Variants in USP34 observed in about 807,000 individuals in gnomAD.
USP34 encodes ubiquitin specific peptidase 34.
In USP34, 70 loss-of-function variants were observed where a neutral mutation model predicts 460.3. That is an observed-to-expected ratio of 0.15 (90% CI 0.13 to 0.19). The LOEUF (loss-of-function observed/expected upper bound fraction) is 0.19. Among genes scored for constraint, USP34 ranks in the 10% least tolerant of loss-of-function variants. USP34 has a pLI of 1.00. For missense variants in USP34, 3,985 were observed against 4,236.2 expected (o/e 0.94, Z 1.65); for synonymous variants, 1,647 against 1,405.3 (o/e 1.17, Z -3.85).
chr2:61,261,349 C>G (rs1276073176), intron 43 of USP34, among the ~76,000 whole-genome samples: 2 of 152,190 alleles, frequency 1.3e-5, no homozygotes, highest in Non-Finnish European at 2.9e-5. Context: ...CTGACACATA[C>G]AACAGCATGG....
chr2:61,227,363 A>G, intron 61 of USP34, 145 bp from the exon 62 acceptor site: 5 of 840,374 alleles, frequency 5.9e-6, no homozygotes, highest in Non-Finnish European at 5.5e-6. Flanking sequence ...AACCTAATGT[A>G]AAACACTCTA....
intron 49 of USP34, 101 bp from the exon 50 acceptor site, chr2:61,246,578 T>C: frequency 1.3e-6 from 1 of 785,482 alleles, no homozygotes; most frequent in Non-Finnish European, 1.8e-6. Context: ...ATATTTTAAG[T>C]CATTTTAATA....
rs374553816 is a variant in USP34, at chr2:61,348,498, T to A, written c.1675-18A>T. 1.3e-6 allele frequency: 2 copies of A among 1,593,570 alleles called. No homozygotes were observed. The highest frequency in any genetic ancestry group is 1.7e-6 in the Non-Finnish European group (2 of 1,172,416). On this transcript the variant is annotated intron_variant, in intron 14 of 79. Coordinates refer to ENST00000398571, the MANE Select transcript of USP34 (RefSeq NM_014709.4). ...ATGGATTCCTGTATTTTGAAACAAA[T>A]AGATTTAAATAAATATTTAAACCAG...
rs1008997030 is a variant in USP34 at position 61,343,665 on chromosome 2, T to TG, written c.2500+149dup. On this transcript the variant is annotated intron_variant, in intron 16 of 79. Transcript: ENST00000398571. ...ACTATTTATAATAATTTAATTCCCTTGGGGGAAAAAAAAAAACTACCATAT... is the reference window on the plus strand; with the variant it reads ...ACTATTTATAATAATTTAATTCCCTTGGGGGGAAAAAAAAAAACTACCATAT... The TG allele has an allele frequency of 6.4e-5, 47 of 738,798 alleles. No homozygotes were observed. The East Asian group carries it at 6.6e-4, about 10-fold the overall frequency. 45.8% of individuals were successfully genotyped at this position (738,798 alleles called of 1,614,324 possible). A position where few individuals can be genotyped will look rare whatever the true frequency, so the allele number is the denominator to read the frequency against.
intron 23 of USP34, among the ~76,000 whole-genome samples, chr2:61,316,471 G>T (rs1056493569): frequency 6.6e-6 from 1 of 151,980 alleles, no homozygotes. Context: ...TGTTGTCCCA[G>T]CTACTCAAGA....
chr2:61,204,696 A>G, intron 72 of USP34, 95 bp from the exon 73 acceptor site: 1 of 972,678 alleles, frequency 1.0e-6, no homozygotes, highest in Non-Finnish European at 1.6e-6. Context: ...CCTCACTACA[A>G]CCAGTTTAAT....
chr2:61,436,948 G>A (rs370843434), intron 1 of USP34, among the ~76,000 whole-genome samples: 27 of 152,296 alleles, frequency 1.8e-4, no homozygotes, highest in South Asian at 4.1e-4. Context: ...TGACCACTGG[G>A]TCAATGAAGG....
chr2:61,346,831 CA>C (rs776311612), intron 15 of USP34, among the ~76,000 whole-genome samples: 1,650 of 29,806 alleles, frequency 0.055, 11 homozygotes, highest in African/African-American at 0.19. Flanking sequence ...GATTCCAACT[CA>C]AAAAAAAAAA....
rs369589267 is a variant in USP34 at position 61,284,945 on chromosome 2, G to T, written c.4762C>A (p.Leu1588Ile). 6.2e-7 allele frequency: 1 copy of T among 1,609,372 alleles called. No homozygotes were observed. The highest frequency in any genetic ancestry group is 1.3e-5 in the African/African-American group (1 of 74,844). Residue 1588 changes from leucine to isoleucine, a missense_variant, in exon 35 of 80, where the codon CTT becomes ATT. By Grantham distance (5) the Leu-to-Ile change is conservative. Coordinates refer to ENST00000398571, the MANE Select transcript of USP34 (RefSeq NM_014709.4). ...TGAATCAAACTGGTTCCTTGGACAA[G>T]AACAAGAAATACCTTTAAAACAAAA... ...IPRLTEVFLV[L>I]VQGTSLIQRL...
intron 59 of USP34, 91 bp downstream of exon 59, chr2:61,229,457 T>TAAAAAAAAAAAAAAAA: frequency 1.0e-4 from 40 of 382,120 alleles, no homozygotes; most frequent in Admixed American, 1.6e-4. Flanking sequence ...CCCTATCTCT[T>TAAAAAAAAAAAAAAAA]AAAAAAAAAA....
intron 42 of USP34, 22 bp downstream of exon 42, chr2:61,265,962 A>C (rs1415981518): frequency 6.5e-7 from 1 of 1,532,380 alleles, no homozygotes; most frequent in African/African-American, 1.4e-5. Flanking sequence ...TATAAAGATT[A>C]AAGGAAAAGA....
intron 1 of USP34, among the ~76,000 whole-genome samples, chr2:61,449,716 A>G (rs2104057348): frequency 6.6e-6 from 1 of 152,270 alleles, no homozygotes; most frequent in South Asian, 2.1e-4. Context: ...CATGCAACAG[A>G]AAGAATAGAT....
chr2:61,382,978 AACAG>A lies in USP34; in HGVS notation c.821+287_821+290del, dbSNP rs760297439. Among the ~76,000 whole-genome samples the A allele has an allele frequency of 3.3e-5, 5 of 152,334 alleles. No homozygotes were observed. In the South Asian group the frequency reaches 8.3e-4, roughly 25 times the overall value. On this transcript the variant is annotated intron_variant, in intron 6 of 79. Coordinates refer to ENST00000398571, the MANE Select transcript of USP34 (RefSeq NM_014709.4). ...GCTATATCCTCAGTGCCTAGAACGT[AACAG>A]ACACTTACTGTGTATTTGCTGACTA...
chr2:61,329,728 G>C (rs1179715616), intron 20 of USP34, among the ~76,000 whole-genome samples: 1 of 152,004 alleles, frequency 6.6e-6, no homozygotes, highest in Non-Finnish European at 1.5e-5. Flanking sequence ...GTTTTAACCA[G>C]GTAACTACAA....
At chr2:61,224,556 G>C (rs1687676114) in intron 62 of USP34, among the ~76,000 whole-genome samples, 1 of 152,126 alleles carries the variant, frequency 6.6e-6, no homozygotes, top group Admixed American at 6.6e-5. Context: ...TCATTAATTA[G>C]CTTGAATACA....
intron 21 of USP34, 148 bp downstream of exon 21, chr2:61,325,227 C>T (rs934724415): frequency 7.5e-6 from 4 of 532,978 alleles, no homozygotes; most frequent in Non-Finnish European, 1.3e-5. Flanking sequence ...TGTTACAATA[C>T]CCTGTAACAA....
intron 32 of USP34, among the ~76,000 whole-genome samples, chr2:61,294,231 A>G (rs904567466): frequency 1.6e-4 from 25 of 151,762 alleles, no homozygotes; most frequent in East Asian, 9.8e-4. Context: ...CTGTAGTACC[A>G]GCTACTCCAG....
At chr2:61,205,091 C>T (rs182506330) in intron 72 of USP34, among the ~76,000 whole-genome samples, 97 of 152,164 alleles carry the variant, frequency 6.4e-4, no homozygotes, top group Admixed American at 2.7e-3. Context: ...TTCCTGGTCT[C>T]GAGCAATCCC....
intron 1 of USP34, among the ~76,000 whole-genome samples, chr2:61,436,914 G>C (rs1044130805): frequency 1.3e-5 from 2 of 152,178 alleles, no homozygotes; most frequent in Non-Finnish European, 2.9e-5. Context: ...CCAATACATG[G>C]AAATTAAACA....
Sources: allele counts gnomAD v4.1 joint callset (sites outside exome capture counted in the v4.1 genomes callset), GRCh38; gene constraint gnomAD v4.1.1; transcripts MANE v1.5; gene names NCBI Gene and HGNC (gene_info 2026-07-23, HGNC 2026-07-21).